PROM2: variants seen among roughly 807,000 people sequenced by gnomAD.
PROM2 encodes the protein prominin 2.
Under a neutral mutation model 110.2 loss-of-function variants are expected in PROM2, and 90 were observed. The ratio of observed to expected loss-of-function variants is 0.82; its 90% CI spans 0.69 to 0.97. The LOEUF (loss-of-function observed/expected upper bound fraction) is 0.97. Among genes scored for constraint, PROM2 ranks in the 50% least tolerant of loss-of-function variants. The pLI, the probability that PROM2 is intolerant of heterozygous loss-of-function variation, is 0.00. For synonymous variants in PROM2, 470 were observed against 467.8 expected, an observed-to-expected ratio of 1.00 and a Z score of -0.06; for missense variants, 1,009 against 1,074.8, an observed-to-expected ratio of 0.94 and a Z score of 0.86.
At position 95,285,075 on chromosome 2, in the gene PROM2, G is replaced by C. The variant is rs1677272286; in HGVS notation, c.1835G>C (p.Ser612Thr). Residue 612 changes from serine to threonine, a missense_variant, in exon 15 of 24, where the codon AGT becomes ACT. By Grantham distance (58) the Ser-to-Thr change is moderately conservative. Transcript: ENST00000317620. ...ARRDLEALQS[S>T]GLQRIHYPDF... The stretch of plus-strand genomic sequence containing the variant: ...CGGGACCTGGAGGCCCTGCAGAGCA[G>C]TGGGCTTCAGCGCATCCACTACCCC... The C allele has an allele frequency of 6.3e-7, 1 of 1,590,910 alleles. No homozygotes were observed. Among genetic ancestry groups the C allele is most frequent in the Non-Finnish European group, 8.6e-7 (1 of 1,167,850 alleles).
At chr2:95,277,764 C>T (rs1676762224) in intron 7 of PROM2, 166 bp from the exon 8 acceptor site, 1 of 760,542 alleles carries the variant, frequency 1.3e-6, no homozygotes, top group African/African-American at 1.8e-5. Context: ...TGTGTGTGAG[C>T]TCCTTGAGTT....
chr2:95,288,055 C>T lies in PROM2; in HGVS notation c.2245-156C>T, dbSNP rs1401332125. On this transcript the variant is annotated intron_variant, in intron 20 of 23. Coordinates refer to ENST00000317620, the MANE Select transcript of PROM2 (RefSeq NM_001165978.3). ...TAGAGTATGTCCGCATCTGTCTGTA[C>T]CTGCCTCTCTGCATGTGTATACAAG... Among the ~76,000 whole-genome samples, 3 of 152,180 alleles carry T rather than the reference C, an allele frequency of 2.0e-5. No individual in the cohort carries two copies. In the East Asian group the frequency reaches 5.8e-4, roughly 29 times the overall value.
chr2:95,283,869 G>C (rs1677191340), intron 14 of PROM2, among the ~76,000 whole-genome samples: 1 of 152,220 alleles, frequency 6.6e-6, no homozygotes, highest in Non-Finnish European at 1.5e-5. Flanking sequence ...TTAGATGCTG[G>C]GGGTTTGGGG....
rs1479349170 is a variant in PROM2 at position 95,279,032 on chromosome 2, G to A, written c.1162G>A (p.Ala388Thr). Reference sequence around the variant, plus strand: ...GCAGCCGGAAGGGGTGAGGACACTGGCTGAAGGGTTCCCGGGCTTGGAGGC... The same window carrying A: ...GCAGCCGGAAGGGGTGAGGACACTGACTGAAGGGTTCCCGGGCTTGGAGGC... The part of the protein sequence containing the change: ...AQQPEGVRTL[A>T]EGFPGLEAAS... Residue 388 changes from alanine to threonine, a missense_variant, in exon 10 of 24, where the codon GCT becomes ACT. Coordinates refer to ENST00000317620, the MANE Select transcript of PROM2 (RefSeq NM_001165978.3). 1.2e-5 allele frequency: 19 copies of A among 1,612,734 alleles called. No individual in the cohort carries two copies. Among genetic ancestry groups the A allele is most frequent in the Non-Finnish European group, 1.4e-5 (17 of 1,179,534 alleles).
intron 18 of PROM2, 21 bp downstream of exon 18, chr2:95,286,878 C>T (rs369616303): frequency 2.8e-5 from 45 of 1,612,386 alleles, no homozygotes; most frequent in African/African-American, 1.1e-4. Context: ...TTGGTGGGGA[C>T]GTATGGTGGA....
At chr2:95,278,146 C>T (rs1047454684) in intron 8 of PROM2, 142 bp downstream of exon 8, 38 of 675,240 alleles carry the variant, frequency 5.6e-5, no homozygotes, top group African/African-American at 8.9e-5. Flanking sequence ...GGACTCCCGA[C>T]GACCATCCTT....
In PROM2 at chr2:95,285,645, AGGCCCGT is replaced by A; in HGVS notation, c.1885_1891del (p.Pro629Ter). 1.9e-6 allele frequency: 3 copies of A among 1,598,852 alleles called. No individual in the cohort carries two copies. The highest frequency in any genetic ancestry group is 2.6e-6 in the Non-Finnish European group (3 of 1,172,110). ...CTCTTCTGTCCACCTGCAGATCCAGAGGCCCGTGGTGAAGACCAGCATGGAGCAGCTG... is the reference window on the plus strand; with the variant it reads ...CTCTTCTGTCCACCTGCAGATCCAGAGGTGAAGACCAGCATGGAGCAGCTG... On this transcript the variant is annotated frameshift_variant, in exon 16 of 24. Coordinates refer to ENST00000317620, the MANE Select transcript of PROM2 (RefSeq NM_001165978.3). LOFTEE classifies it high-confidence loss of function.
In PROM2 at chr2:95,276,283, C is replaced by T; in HGVS notation, c.554C>T (p.Pro185Leu). ...TNQRTHEQMG[P>L]SIEAMPETLL... ...CAGCGCACGCATGAACAGATGGGCC[C>T]CAGCATCGAGGCCATGCCTGAGACC... The change falls in exon 4 of 24, where the codon CCC (proline) becomes CTC (leucine). Residue 185 changes from proline (P) to leucine (L), a missense_variant. Coordinates refer to ENST00000317620, the MANE Select transcript of PROM2 (RefSeq NM_001165978.3). The surrounding 1 kb of genome is among the most constrained non-coding windows in gnomAD (Gnocchi z 4.6). The T allele has an allele frequency of 6.2e-7, 1 of 1,613,882 alleles. No homozygotes were observed. Among genetic ancestry groups the T allele is most frequent in the Non-Finnish European group, 8.5e-7 (1 of 1,180,032 alleles).
chr2:95,278,600 G>GA, intron 8 of PROM2, 121 bp from the exon 9 acceptor site: 1 of 1,161,834 alleles, frequency 8.6e-7, no homozygotes, highest in Non-Finnish European at 1.3e-6. Context: ...GCGACCAAGA[G>GA]AAAAGAGGGA....
chr2:95,276,540 G>T lies in PROM2; in HGVS notation c.619-54G>T. 1 of 1,611,954 alleles carries T rather than the reference G, an allele frequency of 6.2e-7. No individual in the cohort carries two copies. The highest frequency in any genetic ancestry group is 8.5e-7 in the Non-Finnish European group (1 of 1,178,138). On this transcript the variant is annotated intron_variant, in intron 4 of 23. Transcript: ENST00000317620. This position sits in a 1 kb window ranked among gnomAD's most constrained non-coding sequence, Gnocchi z 4.6. The stretch of plus-strand genomic sequence containing the variant: ...GGGAAGGGGCCAGGGAGAGAAGGGC[G>T]TAAGGACTGTGGGTGACCAGGAAGG...
chr2:95,284,837 AT>A, intron 14 of PROM2, 131 bp from the exon 15 acceptor site: 1 of 1,077,466 alleles, frequency 9.3e-7, no homozygotes, highest in Admixed American at 2.9e-5. Context: ...CGGGGATCAC[AT>A]TGCAACATGA....
At position 95,288,983 on chromosome 2, in the gene PROM2, C is replaced by A; in HGVS notation, c.2492C>A (p.Ser831Tyr). 1 of 1,614,104 alleles carries A rather than the reference C, an allele frequency of 6.2e-7. No individual in the cohort carries two copies. Among genetic ancestry groups the A allele is most frequent in the Admixed American group, 1.7e-5 (1 of 60,022 alleles). ...CTCTTCCACATCCCCCGGGTTACCT[C>A]CCTGAAGCTGTAGGGCCTTGTGGGT... ...TQLFHIPRVT[S>Y]LKL Residue 831 changes from serine (S) to tyrosine (Y), a missense_variant, in exon 23 of 24, where the codon TCC (serine) becomes TAC (tyrosine). By Grantham distance (144) the Ser-to-Tyr change is moderately radical. Transcript: ENST00000317620.
intron 1 of PROM2, 47 bp downstream of exon 1, chr2:95,274,876 G>T: frequency 6.7e-7 from 1 of 1,491,720 alleles, no homozygotes; most frequent in Non-Finnish European, 8.9e-7. Context: ...TGGGTCCCCA[G>T]CCCGGCTTCC....
In PROM2 at chr2:95,280,024, G is replaced by T. The variant is rs374297040; in HGVS notation, c.1427+27G>T. The T allele has an allele frequency of 6.9e-5, 96 of 1,389,190 alleles. No homozygotes were observed. The African/African-American group carries it at 1.3e-3, about 19-fold the overall frequency. The allele number at this position is 1,389,190 out of a possible 1,614,324, so 86.1% of individuals were successfully genotyped here. On this transcript the variant is annotated intron_variant, in intron 11 of 23. Coordinates refer to ENST00000317620, the MANE Select transcript of PROM2 (RefSeq NM_001165978.3). ...TAAGAAAGGGCTGGGAGAGGGGAAGGGTCCCCTCTTATAGGGCTGGCTGAT... is the reference window on the plus strand; with the variant it reads ...TAAGAAAGGGCTGGGAGAGGGGAAGTGTCCCCTCTTATAGGGCTGGCTGAT...
In PROM2 at chr2:95,287,417, C is replaced by A; in HGVS notation, c.2197C>A (p.Arg733=). The change falls in exon 20 of 24, where the codon CGG becomes AGG. Residue 733 remains arginine (R), a synonymous_variant. Transcript: ENST00000317620. ...GCAGGTGAGTGAGTGTTTCCTGGCCCGGGAGATGGGCTACTTCTCCCAGTA... is the reference window on the plus strand; with the variant it reads ...GCAGGTGAGTGAGTGTTTCCTGGCCAGGGAGATGGGCTACTTCTCCCAGTA... ...LRNVSECFLA[R]EMGYFSQYVA... The A allele has an allele frequency of 6.2e-7, 1 of 1,613,928 alleles. No individual in the cohort carries two copies. Among genetic ancestry groups the A allele is most frequent in the East Asian group, 2.2e-5 (1 of 44,884 alleles).
intron 10 of PROM2, 127 bp from the exon 11 acceptor site, chr2:95,279,718 T>G: frequency 1.5e-6 from 1 of 687,416 alleles, no homozygotes; most frequent in Non-Finnish European, 2.2e-6. Context: ...AGGAAGAGTC[T>G]GTATCTGCAT....
rs747489068 is a variant in PROM2 at position 95,281,954 on chromosome 2, G to A, written c.1581G>A (p.Pro527=). Reference sequence around the variant, plus strand: ...CAGACACCCCAGGGAACCTGCCCCCGTCCATGAACCTGTCGCAACTTCTTG... The same window carrying A: ...CAGACACCCCAGGGAACCTGCCCCCATCCATGAACCTGTCGCAACTTCTTG... The part of the protein sequence containing the change: ...EFADTPGNLP[P]SMNLSQLLGL... Residue 527 remains proline, a synonymous_variant, in exon 13 of 24, where the codon CCG becomes CCA. Transcript: ENST00000317620. 3.2e-5 allele frequency: 51 copies of A among 1,613,884 alleles called. No individual in the cohort carries two copies. The highest frequency in any genetic ancestry group is 2.3e-4 in the Admixed American group (14 of 60,002).
chr2:95,288,666 A>AGG, intron 22 of PROM2, 77 bp downstream of exon 22: 1 of 1,295,692 alleles, frequency 7.7e-7, no homozygotes, highest in Non-Finnish European at 1.1e-6. Flanking sequence ...CCCCTGTCAC[A>AGG]GCCCCTCCTG....
intron 12 of PROM2, among the ~76,000 whole-genome samples, 156 bp from the exon 13 acceptor site, chr2:95,281,769 C>T (rs532256816): frequency 6.6e-6 from 1 of 152,130 alleles, no homozygotes; most frequent in East Asian, 1.9e-4. Flanking sequence ...GCCCAGGGGT[C>T]ACCAGAGTTA....
Sources: allele counts gnomAD v4.1 joint callset (sites outside exome capture counted in the v4.1 genomes callset), GRCh38; gene constraint gnomAD v4.1.1; non-coding constraint Gnocchi (gnomAD v3.1); transcripts MANE v1.5; gene names NCBI Gene and HGNC (gene_info 2026-07-23, HGNC 2026-07-21).